The following FRMD5 variants were observed in gnomAD, a reference collection of about 807,000 sequenced individuals.
FRMD5 encodes the protein FERM domain containing 5, also known as FERM domain-containing protein 5.
FRMD5 carries 20 observed loss-of-function variants against 69.0 expected under a neutral mutation model. That is an observed-to-expected ratio of 0.29 (90% CI 0.20 to 0.42). The LOEUF is 0.42. Among genes scored for constraint, FRMD5 ranks in the 10% least tolerant of loss-of-function variants. FRMD5 has a pLI of 1.00. For missense variants in FRMD5, 595 were observed against 708.6 expected (o/e 0.84, Z 1.82); for synonymous variants, 271 against 260.1 (o/e 1.04, Z -0.40).
intron 1 of FRMD5, among the ~76,000 whole-genome samples, chr15:43,963,597 C>T (rs568246125): frequency 6.6e-6 from 1 of 152,278 alleles, no homozygotes; most frequent in Non-Finnish European, 1.5e-5. Context: ...GCTATAAAGA[C>T]ACATGCACAC....
At chr15:44,095,105 A>T (rs2076532052) in intron 1 of FRMD5, among the ~76,000 whole-genome samples, 1 of 152,044 alleles carries the variant, frequency 6.6e-6, no homozygotes. Flanking sequence ...GAAAACATAC[A>T]GATTCCACGA....
At chr15:43,878,266 A>T (rs764177762) in intron 13 of FRMD5, among the ~76,000 whole-genome samples, 2 of 152,164 alleles carry the variant, frequency 1.3e-5, no homozygotes, top group African/African-American at 2.4e-5. Context: ...ATGAGAAAAA[A>T]AAAAGTTTAA....
chr15:44,170,394 A>T (rs2140526710), intron 1 of FRMD5, among the ~76,000 whole-genome samples: 1 of 152,198 alleles, frequency 6.6e-6, no homozygotes, highest in South Asian at 2.1e-4. Flanking sequence ...GTGGTGGCAT[A>T]CATCTCTAAT....
chr15:43,875,006 T>C (rs1485272614), intron 13 of FRMD5, among the ~76,000 whole-genome samples: 2 of 152,186 alleles, frequency 1.3e-5, no homozygotes, highest in East Asian at 1.9e-4. Flanking sequence ...GAGACCAGCC[T>C]GGCCAACATG....
intron 1 of FRMD5, among the ~76,000 whole-genome samples, chr15:44,098,020 C>A (rs532200876): frequency 6.6e-6 from 1 of 151,970 alleles, no homozygotes; most frequent in South Asian, 2.1e-4. Context: ...CAGCATGAAC[C>A]TGGCCTGACC....
intron 1 of FRMD5, among the ~76,000 whole-genome samples, chr15:44,164,094 C>A (rs1315711676): frequency 6.6e-6 from 1 of 152,188 alleles, no homozygotes; most frequent in Non-Finnish European, 1.5e-5. Flanking sequence ...CAATCCTCAT[C>A]TGTTCTTTCC....
At chr15:43,989,094 T>C in intron 1 of FRMD5, 1 of 948,710 alleles carries the variant, frequency 1.1e-6, no homozygotes, top group Non-Finnish European at 1.7e-6. Context: ...TGGAGGTGCC[T>C]GACTCATCAT....
chr15:44,038,789 A>G (rs977480121), intron 1 of FRMD5, among the ~76,000 whole-genome samples: 4 of 152,018 alleles, frequency 2.6e-5, no homozygotes, highest in Admixed American at 2.6e-4. Flanking sequence ...GGCAGCCTTG[A>G]GAGACTGTAC....
chr15:44,106,161 C>T (rs1257954241), intron 1 of FRMD5, among the ~76,000 whole-genome samples: 4 of 152,050 alleles, frequency 2.6e-5, no homozygotes, highest in African/African-American at 7.2e-5. Flanking sequence ...CCTAAGAAAA[C>T]ACTTAACTGT....
At chr15:44,018,742 T>C (rs1891080995) in intron 1 of FRMD5, among the ~76,000 whole-genome samples, 2 of 152,204 alleles carry the variant, frequency 1.3e-5, no homozygotes, top group African/African-American at 2.4e-5. Context: ...TAGAGACTTT[T>C]GCCCTGTAAA....
At chr15:44,057,047 A>G (rs1226012813) in intron 1 of FRMD5, among the ~76,000 whole-genome samples, 2 of 152,146 alleles carry the variant, frequency 1.3e-5, no homozygotes, top group African/African-American at 4.8e-5. Context: ...TTCACTCTCC[A>G]TGACTGACCT....
intron 4 of FRMD5, 34 bp downstream of exon 4, chr15:43,919,425 G>A: frequency 6.3e-7 from 1 of 1,582,322 alleles, no homozygotes; most frequent in South Asian, 1.1e-5. Flanking sequence ...TCTCCAACAG[G>A]TCCTAATGGC....
At chr15:44,193,921 T>C (rs1349267050) in intron 1 of FRMD5, among the ~76,000 whole-genome samples, 1 of 152,242 alleles carries the variant, frequency 6.6e-6, no homozygotes, top group East Asian at 1.9e-4. Flanking sequence ...TCCTCCTGTT[T>C]TCCTGCTGCA....
In FRMD5 at chr15:43,935,238, C is replaced by T. The variant is rs149620740; in HGVS notation, c.103-10929G>A. Among the ~76,000 whole-genome samples, 1,113 of 152,208 alleles carry T rather than the reference C, an allele frequency of 7.3e-3. 10 individuals are homozygous for T. The highest frequency in any genetic ancestry group is 0.025 in the African/African-American group (1,057 of 41,512). On this transcript the variant is annotated intron_variant, in intron 1 of 13. Coordinates refer to ENST00000417257, the MANE Select transcript of FRMD5 (RefSeq NM_032892.5). ...CTCCCGCCTGTAATCCCAGCCCTTT[C>T]GGGGGACAAGGAGAGCAGATTATCT...
chr15:44,146,962 T>A (rs940770300), intron 1 of FRMD5, among the ~76,000 whole-genome samples: 2 of 152,208 alleles, frequency 1.3e-5, no homozygotes, highest in Non-Finnish European at 2.9e-5. Context: ...ATGGATAGTT[T>A]CTTTTGCTGT....
chr15:44,058,023 T>C (rs554805288), intron 1 of FRMD5, among the ~76,000 whole-genome samples: 16 of 152,340 alleles, frequency 1.1e-4, no homozygotes, highest in Admixed American at 9.2e-4. Flanking sequence ...ATCTTAGCTC[T>C]GAAACAGGGC....
intron 1 of FRMD5, chr15:44,194,704 A>C: frequency 3.7e-6 from 2 of 540,130 alleles, no homozygotes; most frequent in Non-Finnish European, 3.3e-6. Context: ...CAGGGAGAGC[A>C]GGGTAGGACT....
At chr15:44,039,037 G>A (rs1892063740) in intron 1 of FRMD5, among the ~76,000 whole-genome samples, 1 of 152,180 alleles carries the variant, frequency 6.6e-6, no homozygotes, top group Non-Finnish European at 1.5e-5. Context: ...TGGAGTAGGT[G>A]GTTTTGCCCT....
At chr15:44,124,482 G>C (rs1173691288) in intron 1 of FRMD5, among the ~76,000 whole-genome samples, 1 of 151,610 alleles carries the variant, frequency 6.6e-6, no homozygotes, top group Non-Finnish European at 1.5e-5. Flanking sequence ...GGCAGATCAC[G>C]AGGACAGGAG....
Sources: allele counts gnomAD v4.1 joint callset (sites outside exome capture counted in the v4.1 genomes callset), GRCh38; gene constraint gnomAD v4.1.1; transcripts MANE v1.5; gene names NCBI Gene and HGNC (gene_info 2026-07-23, HGNC 2026-07-21).